Variants in KCNQ5 observed in about 807,000 individuals in gnomAD.
KCNQ5 encodes the protein potassium voltage-gated channel subfamily KQT member 5.
A neutral mutation model predicts 98.2 loss-of-function variants in KCNQ5; 30 were observed. The observed-to-expected ratio is 0.31, with a 90% CI of 0.23 to 0.41. KCNQ5 has a LOEUF of 0.41. Ranked by LOEUF, KCNQ5 falls within the 10% of genes least tolerant of loss-of-function variation. KCNQ5 has a pLI of 1.00. For missense variants in KCNQ5, 835 were observed against 1,182.5 expected (o/e 0.71, Z 4.31); for synonymous variants, 458 against 449.4 (o/e 1.02, Z -0.24).
chr6:72,874,430 A>G (rs915180538), intron 1 of KCNQ5, among the ~76,000 whole-genome samples: 19 of 152,164 alleles, frequency 1.2e-4, no homozygotes, highest in Non-Finnish European at 2.4e-4. Context: ...GTCTATCTAC[A>G]TAAATATTTA....
intron 1 of KCNQ5, among the ~76,000 whole-genome samples, chr6:72,789,905 G>A (rs1773943754): frequency 6.6e-6 from 1 of 152,124 alleles, no homozygotes; most frequent in South Asian, 2.1e-4. Flanking sequence ...GATAGGAGTG[G>A]TGAACAAAAT....
At chr6:73,047,533 C>A (rs1772025297) in intron 3 of KCNQ5, among the ~76,000 whole-genome samples, 1 of 152,154 alleles carries the variant, frequency 6.6e-6, no homozygotes, top group African/African-American at 2.4e-5. Context: ...GAAAGTTGAA[C>A]TTACAAGACA....
chr6:72,977,466 G>A (rs1768210998), intron 1 of KCNQ5, among the ~76,000 whole-genome samples: 1 of 152,168 alleles, frequency 6.6e-6, no homozygotes, highest in African/African-American at 2.4e-5. Context: ...AAAGCCAGAT[G>A]AATGAGTCTG....
At chr6:72,741,155 A>C (rs2154476167) in intron 1 of KCNQ5, among the ~76,000 whole-genome samples, 2 of 152,338 alleles carry the variant, frequency 1.3e-5, no homozygotes, top group South Asian at 4.1e-4. Flanking sequence ...TGAATAGGCA[A>C]CGAGTTGAAC....
At chr6:72,751,159 G>A (rs2154476587) in intron 1 of KCNQ5, among the ~76,000 whole-genome samples, 1 of 152,132 alleles carries the variant, frequency 6.6e-6, no homozygotes, top group South Asian at 2.1e-4. Context: ...GTAAGAAGTA[G>A]CATTTGAATT....
intron 1 of KCNQ5, among the ~76,000 whole-genome samples, chr6:72,976,437 G>A (rs932684574): frequency 6.6e-6 from 1 of 152,050 alleles, no homozygotes; most frequent in African/African-American, 2.4e-5. Flanking sequence ...CTATTACACC[G>A]GATTATTTTC....
intron 1 of KCNQ5, among the ~76,000 whole-genome samples, chr6:72,928,587 T>G (rs1765544969): frequency 6.6e-6 from 1 of 152,104 alleles, no homozygotes; most frequent in African/African-American, 2.4e-5. Context: ...ATTTTGGATC[T>G]GTGGTAGCAT....
intron 1 of KCNQ5, among the ~76,000 whole-genome samples, chr6:72,826,366 A>C (rs932151373): frequency 6.6e-6 from 1 of 152,154 alleles, no homozygotes; most frequent in African/African-American, 2.4e-5. Context: ...GAAATAGTGA[A>C]AGTCAGTGTC....
chr6:72,903,226 C>T (rs1779577640), intron 1 of KCNQ5, among the ~76,000 whole-genome samples: 1 of 152,064 alleles, frequency 6.6e-6, no homozygotes, highest in Non-Finnish European at 1.5e-5. Flanking sequence ...TCTCTCTTCT[C>T]TTCTTGGTTA....
chr6:73,129,943 G>T, intron 9 of KCNQ5: 2 of 932,938 alleles, frequency 2.1e-6, no homozygotes, highest in Non-Finnish European at 3.4e-6. Context: ...CCTGAGCCCT[G>T]TTCAGAGACT....
intron 1 of KCNQ5, among the ~76,000 whole-genome samples, chr6:72,900,276 C>T (rs1043013078): frequency 4.6e-5 from 7 of 151,276 alleles, no homozygotes; most frequent in African/African-American, 1.7e-4. Flanking sequence ...ACTGTGAATG[C>T]CGTGAATTCA....
chr6:73,130,584 G>A (rs147017077), intron 9 of KCNQ5, among the ~76,000 whole-genome samples: 3,123 of 151,940 alleles, frequency 0.021, 101 homozygotes, highest in African/African-American at 0.07. Context: ...AATCATATTC[G>A]TAGATGTCAC....
rs551075430 is a variant in KCNQ5 at position 73,047,355 on chromosome 6, A to C, written c.616+5293A>C. On this transcript the variant is annotated intron_variant, in intron 3 of 13. Coordinates refer to ENST00000370398, the MANE Select transcript of KCNQ5 (RefSeq NM_019842.4). ...AAAATAGACTTACTTACCTGTATCAAACTTGCATATACTCTTCAGTTGTTG... is the reference window on the plus strand; with the variant it reads ...AAAATAGACTTACTTACCTGTATCACACTTGCATATACTCTTCAGTTGTTG... 7.9e-5 allele frequency among the ~76,000 whole-genome samples: 12 copies of C among 152,342 alleles called. No homozygotes were observed. The East Asian group carries it at 2.3e-3, about 29-fold the overall frequency.
intron 5 of KCNQ5, among the ~76,000 whole-genome samples, chr6:73,092,311 AT>A (rs1417556079): frequency 6.6e-6 from 1 of 152,136 alleles, no homozygotes. Context: ...GTAAACATTC[AT>A]ATCATCAGCA....
intron 1 of KCNQ5, among the ~76,000 whole-genome samples, chr6:72,939,443 T>C (rs1224864897): frequency 6.6e-6 from 1 of 152,206 alleles, no homozygotes; most frequent in African/African-American, 2.4e-5. Context: ...GATTTCCAAC[T>C]CTGTCAAGCA....
At chr6:72,958,799 T>G (rs968303702) in intron 1 of KCNQ5, among the ~76,000 whole-genome samples, 2 of 152,142 alleles carry the variant, frequency 1.3e-5, no homozygotes, top group Admixed American at 1.3e-4. Flanking sequence ...CAAAGTGCAA[T>G]ACATTATCTG....
intron 1 of KCNQ5, among the ~76,000 whole-genome samples, chr6:72,985,385 A>G (rs1768718761): frequency 6.6e-6 from 1 of 152,250 alleles, no homozygotes; most frequent in Non-Finnish European, 1.5e-5. Context: ...ATCAAGAGTA[A>G]TTTCAGATGA....
Position 72,807,915 on chromosome 6 carries a change from A to G in KCNQ5, c.398+185328A>G, listed in dbSNP as rs1259705720. 2.0e-5 allele frequency among the ~76,000 whole-genome samples: 3 copies of G among 152,194 alleles called. No individual in the cohort carries two copies. The East Asian group carries it at 5.8e-4, about 29-fold the overall frequency. On this transcript the variant is annotated intron_variant, in intron 1 of 13. Coordinates refer to ENST00000370398, the MANE Select transcript of KCNQ5 (RefSeq NM_019842.4). ...GCAAATCCCTACAGAGCAAAAGTAC[A>G]TGGTTTTGGGGTAACTGGAAGTCCA...
intron 1 of KCNQ5, among the ~76,000 whole-genome samples, chr6:72,742,876 C>T (rs1771201217): frequency 6.6e-6 from 1 of 152,188 alleles, no homozygotes. Context: ...TATTCAATAT[C>T]TTTCAGACTG....
Sources: allele counts gnomAD v4.1 joint callset (sites outside exome capture counted in the v4.1 genomes callset), GRCh38; gene constraint gnomAD v4.1.1; transcripts MANE v1.5; gene names NCBI Gene and HGNC (gene_info 2026-07-23, HGNC 2026-07-21).